The following ANKH variants were observed in gnomAD, a reference collection of about 807,000 sequenced individuals.
ANKH encodes the protein ANKH inorganic pyrophosphate transport regulator.
In ANKH, 15 loss-of-function variants were observed where a neutral mutation model predicts 49.0. That is an observed-to-expected ratio of 0.31 (90% confidence interval 0.20 to 0.47). The LOEUF (loss-of-function observed/expected upper bound fraction) is 0.47. Among genes scored for constraint, ANKH ranks in the 20% least tolerant of loss-of-function variants. The pLI, the probability that ANKH is intolerant of heterozygous loss-of-function variation, is 1.00. For synonymous variants in ANKH, 273 were observed against 260.0 expected, an observed-to-expected ratio of 1.05 and a Z score of -0.48; for missense variants, 429 against 652.0, an observed-to-expected ratio of 0.66 and a Z score of 3.72.
rs145721585 is a variant in ANKH at position 14,838,469 on chromosome 5, G to A, written c.96+32883C>T. On this transcript the variant is annotated intron_variant, in intron 1 of 11. Transcript: ENST00000284268. ...AAAGAAAAAAAAATCACAGCCTGGA[G>A]CAGTGCTCTCCAACTCCAGAAAACC... 8.9e-3 allele frequency among the ~76,000 whole-genome samples: 1,350 copies of A among 151,930 alleles called. 15 individuals are homozygous for A. Among genetic ancestry groups the A allele is most frequent in the South Asian group, 0.026 (127 of 4,806 alleles).
chr5:14,832,104 A>G (rs1443943730), intron 1 of ANKH, among the ~76,000 whole-genome samples: 2 of 152,186 alleles, frequency 1.3e-5, no homozygotes, highest in African/African-American at 4.8e-5. Context: ...TTCTAAGAAA[A>G]GCAATTTTTA....
intron 3 of ANKH, 80 bp downstream of exon 3, chr5:14,758,400 A>C: frequency 8.9e-7 from 1 of 1,119,526 alleles, no homozygotes; most frequent in Non-Finnish European, 1.3e-6. Flanking sequence ...AAAAATAGCT[A>C]AAATGGTAGA....
Position 14,709,890 on chromosome 5 carries a change from A to G in ANKH, c.*1307T>C, listed in dbSNP as rs1263654772. Reference sequence around the variant, plus strand: ...TAGCCTAAAATAAATTACATAACATATACAGCATATATTTATATCTTTAAA... The same window carrying G: ...TAGCCTAAAATAAATTACATAACATGTACAGCATATATTTATATCTTTAAA... On this transcript the variant is annotated 3_prime_UTR_variant, in exon 12 of 12. Transcript: ENST00000284268. 2.0e-5 allele frequency: 3 copies of G among 152,660 alleles called. No homozygotes were observed. Among genetic ancestry groups the G allele is most frequent in the Non-Finnish European group, 4.4e-5 (3 of 68,052 alleles). 9.5% of individuals were successfully genotyped at this position (152,660 alleles called of 1,614,324 possible). A position where few individuals can be genotyped will look rare whatever the true frequency, so the allele number is the denominator to read the frequency against.
chr5:14,829,184 C>CAAAAAAAAAAAAAAAAA (rs56223225), intron 1 of ANKH, among the ~76,000 whole-genome samples: 1 of 106,022 alleles, frequency 9.4e-6, no homozygotes, highest in Admixed American at 9.2e-5. Context: ...GACTCTGTCT[C>CAAAAAAAAAAAAAAAAA]AAAAAAAAAA....
chr5:14,789,045 A>G (rs1354292361), intron 1 of ANKH, among the ~76,000 whole-genome samples: 1 of 152,150 alleles, frequency 6.6e-6, no homozygotes, highest in Admixed American at 6.5e-5. Flanking sequence ...CCTGGCTAAC[A>G]TAGTGAAATC....
intron 6 of ANKH, among the ~76,000 whole-genome samples, chr5:14,746,644 C>T (rs1415479794): frequency 6.6e-6 from 1 of 152,156 alleles, no homozygotes. Context: ...AATCTAGTCC[C>T]CAGGCAAGAA....
At chr5:14,734,408 C>T (rs1352704876) in intron 8 of ANKH, among the ~76,000 whole-genome samples, 1 of 152,232 alleles carries the variant, frequency 6.6e-6, no homozygotes, top group Non-Finnish European at 1.5e-5. Context: ...CTCACCATTG[C>T]TCCATCTGTA....
chr5:14,748,377 G>T (rs1738606030), intron 6 of ANKH, among the ~76,000 whole-genome samples: 1 of 152,246 alleles, frequency 6.6e-6, no homozygotes, highest in Admixed American at 6.5e-5. Context: ...AGCGCAGTAA[G>T]GGCTCCGGGC....
intron 2 of ANKH, among the ~76,000 whole-genome samples, chr5:14,762,986 G>A (rs1739139507): frequency 1.3e-5 from 2 of 152,186 alleles, no homozygotes; most frequent in African/African-American, 4.8e-5. Flanking sequence ...TTTACAGGTG[G>A]ACAGCTTTGA....
Position 14,723,599 on chromosome 5 carries a change from A to G in ANKH, c.1012-6764T>C, listed in dbSNP as rs1452032936. 5.9e-5 allele frequency among the ~76,000 whole-genome samples: 9 copies of G among 152,202 alleles called. 1 individual carries two copies. ...GGCTGCAGTGAGCCAAGATTGCGCCACTGTACTCCAGCCTGAGTGACAAGA... is the reference window on the plus strand; with the variant it reads ...GGCTGCAGTGAGCCAAGATTGCGCCGCTGTACTCCAGCCTGAGTGACAAGA... On this transcript the variant is annotated intron_variant, in intron 8 of 11. Coordinates refer to ENST00000284268, the MANE Select transcript of ANKH (RefSeq NM_054027.6).
chr5:14,710,843 C>G lies in ANKH; in HGVS notation c.*354G>C, dbSNP rs1042892091. On this transcript the variant is annotated 3_prime_UTR_variant, in exon 12 of 12. Transcript: ENST00000284268. The stretch of plus-strand genomic sequence containing the variant: ...GGCCTGCTGTGCAGGGTGACCGAGG[C>G]GCGATGGCACAGCTGCAGTCCTTTG... 1.4e-5 allele frequency: 5 copies of G among 348,000 alleles called. No homozygotes were observed. The highest frequency in any genetic ancestry group is 2.8e-5 in the Non-Finnish European group (5 of 179,240). 21.6% of individuals were successfully genotyped at this position (348,000 alleles called of 1,614,324 possible).
intron 1 of ANKH, among the ~76,000 whole-genome samples, chr5:14,799,384 T>C (rs896538485): frequency 6.6e-6 from 1 of 152,222 alleles, no homozygotes; most frequent in African/African-American, 2.4e-5. Flanking sequence ...GGCTACATTA[T>C]ACAACAGATT....
At chr5:14,714,040 C>T (rs1247320337) in intron 9 of ANKH, among the ~76,000 whole-genome samples, 1 of 152,274 alleles carries the variant, frequency 6.6e-6, no homozygotes, top group Non-Finnish European at 1.5e-5. Context: ...AAGTGGCACT[C>T]TAGTGTGATG....
In ANKH at chr5:14,728,422, T is replaced by G. The variant is rs532998395; in HGVS notation, c.1012-11587A>C. ...GTGAGGGGCACCAAATGAGAAAGTG[T>G]TGAATTCCATTAATTCACCTTTGGT... On this transcript the variant is annotated intron_variant, in intron 8 of 11. Coordinates refer to ENST00000284268, the MANE Select transcript of ANKH (RefSeq NM_054027.6). Among the ~76,000 whole-genome samples the G allele has an allele frequency of 5.3e-5, 8 of 152,342 alleles. No homozygotes were observed. In the South Asian group the frequency reaches 1.4e-3, roughly 28 times the overall value.
intron 1 of ANKH, among the ~76,000 whole-genome samples, chr5:14,856,958 T>A (rs532540226): frequency 1.2e-4 from 18 of 152,242 alleles, no homozygotes; most frequent in Non-Finnish European, 1.5e-5. Flanking sequence ...CACCCATATG[T>A]TCACAGGGAA....
At chr5:14,765,066 G>A (rs143955274) in intron 2 of ANKH, among the ~76,000 whole-genome samples, 414 of 152,354 alleles carry the variant, frequency 2.7e-3, no homozygotes, top group African/African-American at 9.6e-3. Flanking sequence ...CCTCCATGCA[G>A]CACAACCACT....
chr5:14,734,855 C>A (rs993583421), intron 8 of ANKH, among the ~76,000 whole-genome samples: 1 of 152,090 alleles, frequency 6.6e-6, no homozygotes, highest in African/African-American at 2.4e-5. Context: ...TTATAAGGTT[C>A]AAGTGGTAAA....
At chr5:14,799,943 T>C (rs144966839) in intron 1 of ANKH, among the ~76,000 whole-genome samples, 1 of 152,254 alleles carries the variant, frequency 6.6e-6, no homozygotes, top group African/African-American at 2.4e-5. Flanking sequence ...GGGCAAAGGA[T>C]AGTGAAAACC....
chr5:14,866,283 G>C (rs2254011), intron 1 of ANKH, among the ~76,000 whole-genome samples: 6,325 of 152,328 alleles, frequency 0.042, 147 homozygotes, highest in African/African-American at 0.071. Flanking sequence ...TGGGATTACA[G>C]GCGTGAGCCA....
Sources: allele counts gnomAD v4.1 joint callset (sites outside exome capture counted in the v4.1 genomes callset), GRCh38; gene constraint gnomAD v4.1.1; transcripts MANE v1.5; gene names NCBI Gene and HGNC (gene_info 2026-07-23, HGNC 2026-07-21).